Variants in SEMA6A observed in about 807,000 individuals in gnomAD.
The protein encoded by SEMA6A is semaphorin-6A.
SEMA6A carries 25 observed loss-of-function variants against 96.8 expected under a neutral mutation model. That is an observed-to-expected ratio of 0.26 (90% CI 0.19 to 0.36). The LOEUF (loss-of-function observed/expected upper bound fraction) is 0.36. Among genes scored for constraint, SEMA6A ranks in the 10% least tolerant of loss-of-function variants. The pLI, the probability that SEMA6A is intolerant of heterozygous loss-of-function variation, is 1.00. For synonymous variants in SEMA6A, 612 were observed against 518.0 expected (o/e 1.18, Z -2.46); for missense variants, 1,363 against 1,323.1 (o/e 1.03, Z -0.47).
At chr5:116,536,713 G>A (rs894260011) in intron 1 of SEMA6A, among the ~76,000 whole-genome samples, 11 of 152,062 alleles carry the variant, frequency 7.2e-5, no homozygotes, top group Admixed American at 2.0e-4. Context: ...CCAGTCCCAG[G>A]TCCTGCAACT....
At chr5:116,511,830 C>T (rs547580577) in intron 1 of SEMA6A, among the ~76,000 whole-genome samples, 28 of 152,304 alleles carry the variant, frequency 1.8e-4, no homozygotes, top group Non-Finnish European at 2.9e-4. Context: ...CTCCCTCAAC[C>T]GTGATGTTTT....
chr5:116,447,735 C>G lies in SEMA6A; in HGVS notation c.1971G>C (p.Leu657=), dbSNP rs200421761. The G allele has an allele frequency of 1.1e-5, 18 of 1,613,916 alleles. No homozygotes were observed. The highest frequency in any genetic ancestry group is 1.5e-5 in the Non-Finnish European group (18 of 1,179,830). Residue 657 remains leucine (L), a synonymous_variant, in exon 19 of 19, where the codon CTG becomes CTC. Coordinates refer to ENST00000343348, the MANE Select transcript of SEMA6A (RefSeq NM_020796.5). ...AGAAGACGGCCCCCATGACGAAAGC[C>G]AGGATGACTGCAATGGCCAAGAGGG... The part of the protein sequence containing the change: ...PVTLLAIAVI[L]AFVMGAVFSG...
chr5:116,539,135 T>C (rs1759853331), intron 1 of SEMA6A, among the ~76,000 whole-genome samples: 1 of 152,192 alleles, frequency 6.6e-6, no homozygotes, highest in African/African-American at 2.4e-5. Context: ...ATGGCAGTGC[T>C]AGAGTTCAAG....
At chr5:116,519,698 CACAT>C (rs1281274164) in intron 1 of SEMA6A, among the ~76,000 whole-genome samples, 3 of 151,728 alleles carry the variant, frequency 2.0e-5, no homozygotes, top group Non-Finnish European at 4.4e-5. Context: ...CACACGCACA[CACAT>C]ACATTATACA....
intron 17 of SEMA6A, 36 bp from the exon 18 acceptor site, chr5:116,467,783 C>A: frequency 6.2e-7 from 1 of 1,607,618 alleles, no homozygotes. Flanking sequence ...GAAAACATCA[C>A]CAGAGAGACC....
intron 11 of SEMA6A, among the ~76,000 whole-genome samples, chr5:116,480,961 A>G (rs1053295803): frequency 1.3e-5 from 2 of 152,130 alleles, no homozygotes; most frequent in African/African-American, 4.8e-5. Context: ...CATCCCAGCA[A>G]AGTCAGATTA....
intron 1 of SEMA6A, among the ~76,000 whole-genome samples, chr5:116,554,081 A>G (rs1374022719): frequency 6.6e-6 from 1 of 152,170 alleles, no homozygotes; most frequent in Non-Finnish European, 1.5e-5. Context: ...AGGGCTTTCT[A>G]CTGTAATAAA....
chr5:116,446,822 C>T lies in SEMA6A; in HGVS notation c.2884G>A (p.Ala962Thr), dbSNP rs771191183. 2.4e-5 allele frequency: 38 copies of T among 1,613,708 alleles called. No homozygotes were observed. Among genetic ancestry groups the T allele is most frequent in the Non-Finnish European group, 3.1e-5 (36 of 1,179,744 alleles). ...TGGATGGAGTCCACCCTCTGCGGGG[C>T]GGGCGGCGGGTTGTCTCCCCTGCCA... The part of the protein sequence containing the change: ...SFGRGDNPPP[A>T]PQRVDSIQVH... Residue 962 changes from alanine (A) to threonine (T), a missense_variant, in exon 19 of 19, where the codon GCC becomes ACC. Physicochemically the swap from Ala to Thr is moderately conservative, Grantham distance 58. This residue lies in a region of SEMA6A where 883 missense variants were observed against 763.6 expected (regional missense o/e 1.16). Coordinates refer to ENST00000343348, the MANE Select transcript of SEMA6A (RefSeq NM_020796.5).
Position 116,446,819 on chromosome 5 carries a change from G to A in SEMA6A, c.2887C>T (p.Pro963Ser), listed in dbSNP as rs1754243033. 6.2e-7 allele frequency: 1 copy of A among 1,613,730 alleles called. No homozygotes were observed. Among genetic ancestry groups the A allele is most frequent in the African/African-American group, 1.3e-5 (1 of 74,944 alleles). ...FGRGDNPPPA[P>S]QRVDSIQVHS... is the part of the protein sequence containing the mutation. Reference sequence around the variant, plus strand: ...ACCTGGATGGAGTCCACCCTCTGCGGGGCGGGCGGCGGGTTGTCTCCCCTG... The same window carrying A: ...ACCTGGATGGAGTCCACCCTCTGCGAGGCGGGCGGCGGGTTGTCTCCCCTG... The change falls in exon 19 of 19, where the codon CCG becomes TCG. Residue 963 changes from proline (P) to serine (S), a missense_variant. Pro to Ser is a moderately conservative substitution (Grantham distance 74, BLOSUM62 -1). This residue lies in a region of SEMA6A where 883 missense variants were observed against 763.6 expected (regional missense o/e 1.16). Transcript: ENST00000343348.
intron 1 of SEMA6A, among the ~76,000 whole-genome samples, chr5:116,532,924 G>A (rs1759548760): frequency 6.6e-6 from 1 of 152,168 alleles, no homozygotes; most frequent in Admixed American, 6.5e-5. Context: ...CACAGACAGA[G>A]ATGACAGGTG....
intron 9 of SEMA6A, 91 bp downstream of exon 9, chr5:116,488,017 T>C (rs1757141091): frequency 6.2e-6 from 5 of 800,156 alleles, no homozygotes; most frequent in Non-Finnish European, 8.0e-6. Context: ...TTTATGGCTC[T>C]CATTTCAAGA....
chr5:116,524,084 C>G (rs1254596326), intron 1 of SEMA6A, among the ~76,000 whole-genome samples: 1 of 152,208 alleles, frequency 6.6e-6, no homozygotes, highest in African/African-American at 2.4e-5. Flanking sequence ...GGGAGGCATA[C>G]AGAAACTTCT....
Position 116,494,908 on chromosome 5 carries a change from A to G in SEMA6A, c.444+505T>C, listed in dbSNP as rs558864258. ...CTAACTCTTTAAGAGGGCTTTTTCCAGCCCTTGCATAAAGCCAAAGTAAGC... is the reference window on the plus strand; with the variant it reads ...CTAACTCTTTAAGAGGGCTTTTTCCGGCCCTTGCATAAAGCCAAAGTAAGC... On this transcript the variant is annotated intron_variant, in intron 6 of 18. Coordinates refer to ENST00000343348, the MANE Select transcript of SEMA6A (RefSeq NM_020796.5). Among the ~76,000 whole-genome samples, 3 of 149,054 alleles carry G rather than the reference A, an allele frequency of 2.0e-5. No homozygotes were observed. The South Asian group carries it at 6.6e-4, about 33-fold the overall frequency.
rs1361763522 is a variant in SEMA6A, at chr5:116,540,949, C to G, written c.-39+33236G>C. 3.9e-5 allele frequency among the ~76,000 whole-genome samples: 6 copies of G among 152,172 alleles called. No individual in the cohort carries two copies. In the East Asian group the frequency reaches 1.2e-3, roughly 29 times the overall value. On this transcript the variant is annotated intron_variant, in intron 1 of 18. Transcript: ENST00000343348. ...GCAATACTGAACTGATGTCAAAGTT[C>G]TCGATCCATCTCAAGACAACAGAAT...
intron 3 of SEMA6A, among the ~76,000 whole-genome samples, chr5:116,498,073 G>T (rs1580439428): frequency 6.6e-6 from 1 of 152,204 alleles, no homozygotes; most frequent in Admixed American, 6.5e-5. Context: ...AGGGGAGAAA[G>T]AGAATCAGCA....
rs1329799129 is a variant in SEMA6A at position 116,489,406 on chromosome 5, T to C, written c.536-399A>G. Among the ~76,000 whole-genome samples the C allele has an allele frequency of 3.9e-5, 6 of 152,078 alleles. No homozygotes were observed. The East Asian group carries it at 1.2e-3, about 29-fold the overall frequency. On this transcript the variant is annotated intron_variant, in intron 7 of 18. Transcript: ENST00000343348. ...AGGTGAGAGCCCAGGGAAAGATAGA[T>C]GCTGATTGTGTCCCCAGAAATTTTA...
At chr5:116,533,455 G>T (rs927327781) in intron 1 of SEMA6A, among the ~76,000 whole-genome samples, 6 of 152,010 alleles carry the variant, frequency 3.9e-5, no homozygotes. Context: ...AGAATACTTG[G>T]GGGAAGGGGG....
chr5:116,482,662 A>G, intron 10 of SEMA6A, 87 bp from the exon 11 acceptor site: 1 of 1,361,420 alleles, frequency 7.3e-7, no homozygotes, highest in Non-Finnish European at 1.0e-6. Flanking sequence ...CTTTCCTGGT[A>G]CAGCAAATGA....
chr5:116,463,679 T>C (rs182778203), intron 18 of SEMA6A, among the ~76,000 whole-genome samples: 34 of 152,340 alleles, frequency 2.2e-4, no homozygotes, highest in Admixed American at 9.8e-4. Context: ...TGTGATAATA[T>C]CTCACTTTAA....
Sources: gnomAD v4.1 joint callset for allele counts (sites outside exome capture counted in the v4.1 genomes callset) on GRCh38, gnomAD v4.1.1 for gene constraint, gnomAD v4.1.1 regional missense constraint, MANE v1.5 for transcripts, NCBI Gene and HGNC (gene_info 2026-07-23, HGNC 2026-07-21) for gene names.